Variants in TMEM223 observed in about 807,000 individuals in gnomAD.
TMEM223 encodes transmembrane protein 223.
A neutral mutation model predicts 14.1 loss-of-function variants in TMEM223; 14 were observed. That is an observed-to-expected ratio of 0.99 (90% CI 0.66 to 1.55). The LOEUF is 1.55. Ranked by LOEUF, TMEM223 falls within the 40% of genes most tolerant of loss-of-function variation. The pLI, the probability that TMEM223 is intolerant of heterozygous loss-of-function variation, is 0.00. For synonymous variants in TMEM223, 145 were observed against 120.5 expected (o/e 1.20, Z -1.33); for missense variants, 346 against 269.9 (o/e 1.28, Z -1.97).
intron 1 of TMEM223, among the ~76,000 whole-genome samples, chr11:62,780,668 G>A (rs1296972428): frequency 6.6e-6 from 1 of 152,058 alleles, no homozygotes; most frequent in African/African-American, 2.4e-5. Flanking sequence ...GGTGGTTCAC[G>A]CCTGTAATCC....
chr11:62,783,054 C>T (rs1464162161), downstream of TMEM223, among the ~76,000 whole-genome samples: 1 of 152,154 alleles, frequency 6.6e-6, no homozygotes, highest in African/African-American at 2.4e-5. Flanking sequence ...TAAATTCCTG[C>T]CCGTTCTATA....
intron 1 of TMEM223, chr11:62,776,371 C>A: frequency 1.2e-6 from 2 of 1,612,818 alleles, no homozygotes; most frequent in South Asian, 2.2e-5. Context: ...GGCTTTTGTT[C>A]CCTCCCTCCC....
chr11:62,781,909 T>C (rs1050173074), intron 1 of TMEM223: 6 of 1,614,186 alleles, frequency 3.7e-6, no homozygotes, highest in Non-Finnish European at 5.1e-6. Context: ...ACTCCAGGAC[T>C]TGCAGACGAA....
chr11:62,785,723 T>G (rs907539341), downstream of TMEM223, among the ~76,000 whole-genome samples: 1 of 150,950 alleles, frequency 6.6e-6, no homozygotes, highest in Non-Finnish European at 1.5e-5. Flanking sequence ...TTAGTAGAGA[T>G]GGGGTTTCAC....
chr11:62,779,978 T>A lies in TMEM223; in HGVS notation c.315-5313A>T, dbSNP rs11231214. On this transcript the variant is annotated intron_variant, in intron 1 of 2. Transcript: ENST00000528367. The stretch of plus-strand genomic sequence containing the variant: ...TATATATATATATATATATATATAT[T>A]TTTTTTTTTTTTTTTTTTAGAGACA... Among the ~76,000 whole-genome samples, 691 of 74,036 alleles carry A rather than the reference T, an allele frequency of 9.3e-3. 3 individuals carry two copies. Among genetic ancestry groups the A allele is most frequent in the Admixed American group, 0.039 (201 of 5,170 alleles). The allele number at this position is 74,036 out of a possible 152,430, so 48.6% of individuals were successfully genotyped here. A position where few individuals can be genotyped will look rare whatever the true frequency, so the allele number is the denominator to read the frequency against.
chr11:62,789,243 G>A (rs771051003), downstream of TMEM223: 1 of 1,613,928 alleles, frequency 6.2e-7, no homozygotes, highest in South Asian at 1.1e-5. Context: ...CAGGGGCTGA[G>A]GTAGGATGAG....
At chr11:62,791,653 C>T (rs2084362263) in intron 1 of TMEM223, 26 bp downstream of exon 1, 2 of 1,502,480 alleles carry the variant, frequency 1.3e-6, no homozygotes, top group African/African-American at 1.4e-5. Context: ...CACGTTGTCA[C>T]AGTGGGAAGC....
chr11:62,791,871 C>G lies in TMEM223; in HGVS notation c.124G>C (p.Gly42Arg). 5 of 1,593,706 alleles carry G rather than the reference C, an allele frequency of 3.1e-6. No individual in the cohort carries two copies. Among genetic ancestry groups the G allele is most frequent in the Non-Finnish European group, 4.3e-6 (5 of 1,170,828 alleles). The change falls in exon 1 of 2, where the codon GGC (glycine) becomes CGC (arginine). Residue 42 changes from glycine (G) to arginine (R), a missense_variant. By Grantham distance (125) the Gly-to-Arg change is moderately radical. Coordinates refer to ENST00000307366, the MANE Select transcript of TMEM223 (RefSeq NM_001080501.3). Reference sequence around the variant, plus strand: ...AGCCCGAGGATGGTGAAGAAGCGGCCCCGATCATGCTCAAAGAGCAGCACA... The same window carrying G: ...AGCCCGAGGATGGTGAAGAAGCGGCGCCGATCATGCTCAAAGAGCAGCACA... ...RDVLLFEHDR[G>R]RFFTILGLFC...
At chr11:62,782,640 G>A, downstream of TMEM223, 1 of 1,599,610 alleles carries the variant, frequency 6.3e-7, no homozygotes, top group Non-Finnish European at 8.5e-7. Flanking sequence ...CTTGTGCCCT[G>A]TTGGGTGGCA....
At chr11:62,772,143 G>A (rs1263963797) in intron 2 of TMEM223, 10 of 456,248 alleles carry the variant, frequency 2.2e-5, no homozygotes, top group Admixed American at 7.1e-5. Flanking sequence ...CTGTGAAATA[G>A]ACGAAATACA....
At chr11:62,778,264 ATC>A (rs757746516) in intron 1 of TMEM223, 2 of 1,614,182 alleles carry the variant, frequency 1.2e-6, no homozygotes. Flanking sequence ...AGGCTGACAC[ATC>A]TCTCTGCACT....
At chr11:62,788,091 A>G (rs762940926), downstream of TMEM223, among the ~76,000 whole-genome samples, 13 of 152,030 alleles carry the variant, frequency 8.6e-5, no homozygotes, top group Non-Finnish European at 1.6e-4. Flanking sequence ...TAGTGTGCCT[A>G]TTTTACACCA....
downstream of TMEM223, among the ~76,000 whole-genome samples, chr11:62,788,795 T>C (rs1337355305): frequency 6.6e-6 from 1 of 152,164 alleles, no homozygotes; most frequent in African/African-American, 2.4e-5. Flanking sequence ...CTGAAGCTCA[T>C]TGCATTCTAT....
chr11:62,778,401 C>G, intron 1 of TMEM223: 1 of 1,568,588 alleles, frequency 6.4e-7, no homozygotes, highest in Non-Finnish European at 8.8e-7. Context: ...GAGGGTGGTG[C>G]CTATGTGCCC....
chr11:62,778,207 G>A (rs1034267567), intron 1 of TMEM223: 13 of 1,613,566 alleles, frequency 8.1e-6, no homozygotes, highest in Non-Finnish European at 1.1e-5. Context: ...GCTGGTGGAA[G>A]AGGCAGAACT....
Position 62,778,473 on chromosome 11 carries a change from C to T in TMEM223, c.315-3808G>A, listed in dbSNP as rs2084203509. ...CCTTGTGCCATGGTCTGAGTGGGCG[C>T]TGGGCTCTGCATGGAGGGCTCAGAG... On this transcript the variant is annotated intron_variant, in intron 1 of 2. Coordinates refer to the TMEM223 transcript ENST00000528367. 6 of 1,033,972 alleles carry T rather than the reference C, an allele frequency of 5.8e-6. No individual in the cohort carries two copies. In the East Asian group the frequency reaches 1.3e-4, roughly 22 times the overall value. The allele number at this position is 1,033,972 out of a possible 1,614,324, so 64.0% of individuals were successfully genotyped here. A position where few individuals can be genotyped will look rare whatever the true frequency, so the allele number is the denominator to read the frequency against.
rs1174292790 is a variant in TMEM223 at position 62,790,193 on chromosome 11, C to G, written c.*430G>C. On this transcript the variant is annotated 3_prime_UTR_variant, in exon 2 of 2. Coordinates refer to ENST00000307366, the MANE Select transcript of TMEM223 (RefSeq NM_001080501.3). ...AAACATAATGACAGGCCCCCCTCCA[C>G]CTCTTCCTGCAGCTGTTTTTGTACC... 1 of 852,868 alleles carries G rather than the reference C, an allele frequency of 1.2e-6. No individual in the cohort carries two copies. The highest frequency in any genetic ancestry group is 1.7e-5 in the African/African-American group (1 of 58,568). 52.8% of individuals were successfully genotyped at this position (852,868 alleles called of 1,614,324 possible). A position where few individuals can be genotyped will look rare whatever the true frequency, so the allele number is the denominator to read the frequency against.
chr11:62,778,795 G>A (rs973338659), intron 1 of TMEM223: 36 of 1,266,320 alleles, frequency 2.8e-5, no homozygotes, highest in Admixed American at 1.9e-4. Flanking sequence ...TGGTGGTTGA[G>A]GGGGAGGAGG....
In TMEM223 at chr11:62,774,653, AT is replaced by A; in HGVS notation, c.326del (p.Ile110Ter). 2.2e-6 allele frequency: 1 copy of A among 455,096 alleles called. No individual in the cohort carries two copies. The highest frequency in any genetic ancestry group is 4.4e-6 in the Non-Finnish European group (1 of 226,958). The allele number at this position is 455,096 out of a possible 1,614,324, so 28.2% of individuals were successfully genotyped here. A position where few individuals can be genotyped will look rare whatever the true frequency, so the allele number is the denominator to read the frequency against. ...CAGCTGCTGTTTTTGTCGGTTTCTT[AT>A]TGTGCTATACCCTGTGAACAAAACA... On this transcript the variant is annotated frameshift_variant, in exon 2 of 3. Coordinates refer to the TMEM223 transcript ENST00000528367. LOFTEE classifies it high-confidence loss of function.
Sources: allele counts gnomAD v4.1 joint callset (sites outside exome capture counted in the v4.1 genomes callset), GRCh38; gene constraint gnomAD v4.1.1; transcripts MANE v1.5; gene names NCBI Gene and HGNC (gene_info 2026-07-23, HGNC 2026-07-21).